Variants in FLYWCH1 observed in about 807,000 individuals in gnomAD.
The protein encoded by FLYWCH1 is FLYWCH-type zinc finger 1, also known as FLYWCH-type zinc finger-containing protein 1.
In FLYWCH1, 75 loss-of-function variants were observed where a neutral mutation model predicts 66.4. The ratio of observed to expected loss-of-function variants is 1.13; its 90% CI spans 0.94 to 1.37. The LOEUF is 1.37. Among genes scored for constraint, FLYWCH1 ranks in the 40% most tolerant of loss-of-function variants. The pLI is 0.00. For synonymous variants in FLYWCH1, 595 were observed against 429.9 expected (o/e 1.38, Z -4.75); for missense variants, 1,334 against 1,001.8 (o/e 1.33, Z -4.48).
In FLYWCH1 at chr16:2,933,978, A is replaced by G. The variant is rs769967972; in HGVS notation, c.1512A>G (p.Pro504=). 132 of 1,525,842 alleles carry G rather than the reference A, an allele frequency of 8.7e-5. No homozygotes were observed. Among genetic ancestry groups the G allele is most frequent in the Non-Finnish European group, 1.1e-4 (122 of 1,133,766 alleles). The allele number at this position is 1,525,842 out of a possible 1,614,324, so 94.5% of individuals were successfully genotyped here. A position where few individuals can be genotyped will look rare whatever the true frequency, so the allele number is the denominator to read the frequency against. The change falls in exon 6 of 10, where the codon CCA becomes CCG. Residue 504 remains proline, a splice_region_variant and synonymous_variant. Transcript: ENST00000253928. The part of the protein sequence containing the change: ...KRPNTAQRGS[P]GGPEFLKTPL... ...CCAACACGGCGCAGCGGGGGAGCCC[A>G]GGTACCTGGGGGTGGGCTGGGAGCT...
intron 1 of FLYWCH1, among the ~76,000 whole-genome samples, chr16:2,913,592 G>A (rs2070064145): frequency 6.6e-6 from 1 of 152,144 alleles, no homozygotes. Context: ...AACACCCCAC[G>A]CTGAACAGGA....
intron 9 of FLYWCH1, among the ~76,000 whole-genome samples, chr16:2,945,315 G>A (rs978963545): frequency 2.6e-5 from 4 of 151,100 alleles, no homozygotes; most frequent in South Asian, 2.1e-4. Flanking sequence ...GTAAAATCCC[G>A]TCTCTACTAA....
intron 2 of FLYWCH1, among the ~76,000 whole-genome samples, chr16:2,914,639 C>G (rs950382260): frequency 3.3e-5 from 5 of 152,164 alleles, no homozygotes; most frequent in African/African-American, 1.2e-4. Flanking sequence ...TGGTTCACGT[C>G]TGTAATCCCA....
chr16:2,917,323 G>A (rs900942690), intron 2 of FLYWCH1, among the ~76,000 whole-genome samples: 1 of 149,690 alleles, frequency 6.7e-6, no homozygotes, highest in African/African-American at 2.5e-5. Context: ...TCCACCTCCC[G>A]GGTACAAGCG....
intron 9 of FLYWCH1, among the ~76,000 whole-genome samples, chr16:2,942,232 T>G (rs1410498196): frequency 6.6e-6 from 1 of 151,964 alleles, no homozygotes; most frequent in Non-Finnish European, 1.5e-5. Flanking sequence ...CAGGCTGGAG[T>G]GCAGTGGTGC....
At chr16:2,920,960 G>A (rs1352687349) in intron 2 of FLYWCH1, among the ~76,000 whole-genome samples, 2 of 149,294 alleles carry the variant, frequency 1.3e-5, no homozygotes, top group East Asian at 4.0e-4. Flanking sequence ...TTCTGCCTCA[G>A]CCTTCCGAGT....
intron 8 of FLYWCH1, among the ~76,000 whole-genome samples, chr16:2,938,734 T>G (rs2071133931): frequency 7.5e-6 from 1 of 132,850 alleles, no homozygotes; most frequent in Non-Finnish European, 1.7e-5. Context: ...TGCCTCAGCC[T>G]CCCGAGTAGC....
At chr16:2,929,568 C>T (rs1400867933) in intron 2 of FLYWCH1, 45 bp from the exon 3 acceptor site, 15 of 1,325,846 alleles carry the variant, frequency 1.1e-5, no homozygotes, top group African/African-American at 7.3e-5. Flanking sequence ...GTCTAGAGTC[C>T]CCCAAGGGCT....
At chr16:2,937,475 T>TGTTGTGC in intron 7 of FLYWCH1, 91 bp downstream of exon 7, 2 of 1,387,896 alleles carry the variant, frequency 1.4e-6, no homozygotes. Context: ...GGGTGTTGTG[T>TGTTGTGC]GTTGTGCATG....
At chr16:2,917,485 T>G (rs940878553) in intron 2 of FLYWCH1, among the ~76,000 whole-genome samples, 24 of 151,954 alleles carry the variant, frequency 1.6e-4, no homozygotes, top group Admixed American at 1.6e-3. Flanking sequence ...CATCTCAGCC[T>G]CCCAAAGTGC....
rs760918114 is a variant in FLYWCH1 at position 2,937,258 on chromosome 16, C to T, written c.1651C>T (p.Arg551Cys). The change falls in exon 7 of 10, where the codon CGC becomes TGC. Residue 551 changes from arginine to cysteine, a missense_variant. Transcript: ENST00000253928. The part of the protein sequence containing the change: ...RDQARMGCRS[R>C]AITQGRRVMV... ...CCAGGCCCGCATGGGCTGCCGCAGC[C>T]GCGCCATCACCCAGGGCCGGCGGGT... is the stretch of plus-strand genomic sequence containing the variant. The T allele has an allele frequency of 2.6e-5, 42 of 1,606,516 alleles. No homozygotes were observed. The highest frequency in any genetic ancestry group is 1.9e-4 in the Middle Eastern group (1 of 5,154).
chr16:2,931,520 G>A (rs915791482), intron 4 of FLYWCH1, among the ~76,000 whole-genome samples: 6 of 151,858 alleles, frequency 4.0e-5, no homozygotes, highest in Admixed American at 1.3e-4. Context: ...GGAGACTGAG[G>A]TGGGAGGATC....
Position 2,938,043 on chromosome 16 carries a change from G to A in FLYWCH1, c.1778-141G>A, listed in dbSNP as rs954122226. On this transcript the variant is annotated intron_variant, in intron 7 of 9. Transcript: ENST00000253928. ...GAGTCTGGGCTGCAGGGCCCAGAGG[G>A]GAGGAGGGCAGGGACCACCGTGCAG... 28 of 798,800 alleles carry A rather than the reference G, an allele frequency of 3.5e-5. No homozygotes were observed. In the Middle Eastern group the frequency reaches 1.5e-3, roughly 43 times the overall value. The allele number at this position is 798,800 out of a possible 1,614,324, so 49.5% of individuals were successfully genotyped here.
intron 9 of FLYWCH1, among the ~76,000 whole-genome samples, chr16:2,948,121 C>G (rs375931303): frequency 2.0e-5 from 3 of 152,274 alleles, no homozygotes; most frequent in East Asian, 3.9e-4. Flanking sequence ...CCTGTGGCTT[C>G]TAGGGCACGA....
Position 2,937,171 on chromosome 16 carries a change from G to A in FLYWCH1, c.1564G>A (p.Glu522Lys), listed in dbSNP as rs768165721. 12 of 1,609,470 alleles carry A rather than the reference G, an allele frequency of 7.5e-6. No homozygotes were observed. The highest frequency in any genetic ancestry group is 3.4e-5 in the Admixed American group (2 of 59,548). Residue 522 changes from glutamate to lysine, a missense_variant, in exon 7 of 10, where the codon GAG becomes AAG. Transcript: ENST00000253928. ...CCTGGGGGGCAGCTTCCTGGTGTAC[G>A]AGTCCTTCCTCTACCGGCGGGAGAA... Reference protein sequence around the residue: ...TPLGGSFLVYESFLYRREKAA... With the variant: ...TPLGGSFLVYKSFLYRREKAA...
At chr16:2,936,784 A>T in intron 6 of FLYWCH1, 1 of 521,226 alleles carries the variant, frequency 1.9e-6, no homozygotes. Flanking sequence ...TCCTCTGACC[A>T]ACCAGGCACG....
chr16:2,943,861 C>T (rs769347816), intron 9 of FLYWCH1, among the ~76,000 whole-genome samples: 4 of 151,740 alleles, frequency 2.6e-5, no homozygotes, highest in Admixed American at 2.0e-4. Context: ...CACTTGAACC[C>T]GGGAGGTGGA....
chr16:2,930,231 A>G (rs1246274964), intron 3 of FLYWCH1, among the ~76,000 whole-genome samples, 179 bp from the exon 4 acceptor site: 2 of 151,968 alleles, frequency 1.3e-5, no homozygotes, highest in African/African-American at 4.8e-5. Context: ...CAGCTCCCTA[A>G]AAACATCCAC....
In FLYWCH1 at chr16:2,923,902, G is replaced by T. The variant is rs748574431; in HGVS notation, c.-73-5711G>T. On this transcript the variant is annotated intron_variant, in intron 2 of 9. Coordinates refer to ENST00000253928, the MANE Select transcript of FLYWCH1 (RefSeq NM_001308068.2). ...AAAAATACAAAAATTAGCCAGGCAT[G>T]TTGGCGGGCACCTGTAATCGCAGCT... is the stretch of plus-strand genomic sequence containing the variant. Among the ~76,000 whole-genome samples the T allele has an allele frequency of 5.3e-5, 8 of 152,136 alleles. No individual in the cohort carries two copies. In the South Asian group the frequency reaches 1.0e-3, roughly 20 times the overall value.
Sources: allele counts gnomAD v4.1 joint callset (sites outside exome capture counted in the v4.1 genomes callset), GRCh38; gene constraint gnomAD v4.1.1; transcripts MANE v1.5; gene names NCBI Gene and HGNC (gene_info 2026-07-23, HGNC 2026-07-21).